Variants in MSI1 observed in about 807,000 individuals in gnomAD.
MSI1 encodes musashi RNA binding protein 1, also known as RNA-binding protein Musashi homolog 1.
A neutral mutation model predicts 54.4 loss-of-function variants in MSI1; 15 were observed. The observed-to-expected ratio is 0.28, with a 90% CI of 0.18 to 0.42. The LOEUF is 0.42. Among genes scored for constraint, MSI1 ranks in the 20% least tolerant of loss-of-function variants. The pLI is 1.00. For missense variants in MSI1, 304 were observed against 506.0 expected (o/e 0.60, Z 3.83); for synonymous variants, 200 against 196.5 (o/e 1.02, Z -0.15).
intron 12 of MSI1, among the ~76,000 whole-genome samples, chr12:120,347,138 C>G (rs764796328): frequency 6.6e-6 from 1 of 152,100 alleles, no homozygotes; most frequent in African/African-American, 2.4e-5. Context: ...TTAGTAGAGA[C>G]GGGGTCTCAC....
chr12:120,351,209 T>G (rs1874567297), intron 11 of MSI1, 135 bp downstream of exon 11: 3 of 873,542 alleles, frequency 3.4e-6, no homozygotes, highest in East Asian at 5.3e-5. Context: ...CCAGGCACAG[T>G]CTGCTGTGTC....
At chr12:120,350,306 C>T (rs1565885572) in intron 11 of MSI1, among the ~76,000 whole-genome samples, 2 of 152,166 alleles carry the variant, frequency 1.3e-5, no homozygotes, top group Non-Finnish European at 2.9e-5. Flanking sequence ...GGATTATAGG[C>T]GTGAACCACC....
intron 7 of MSI1, 67 bp downstream of exon 7, chr12:120,358,938 C>G: frequency 6.6e-7 from 1 of 1,524,950 alleles, no homozygotes. Context: ...GAAAGGGCAG[C>G]TGTGACCTGC....
chr12:120,351,234 G>T, intron 11 of MSI1, 110 bp downstream of exon 11: 3 of 1,054,042 alleles, frequency 2.8e-6, no homozygotes, highest in Non-Finnish European at 4.3e-6. Context: ...CAGCCGGAGG[G>T]CTGGCGGGCA....
intron 4 of MSI1, among the ~76,000 whole-genome samples, chr12:120,366,741 G>A (rs1000216424): frequency 6.6e-6 from 1 of 151,920 alleles, no homozygotes; most frequent in Middle Eastern, 3.2e-3. Context: ...CACAGACAAA[G>A]CCCTGGCCCT....
Position 120,368,758 on chromosome 12 carries a change from G to A in MSI1, c.100+75C>T, listed in dbSNP as rs1592953549. ...GGTCAGCAGGGCGCAGGGCCGGGCTGGGGTGTCCGGGTCCGGGGCGCCGGG... is the reference window on the plus strand; with the variant it reads ...GGTCAGCAGGGCGCAGGGCCGGGCTAGGGTGTCCGGGTCCGGGGCGCCGGG... On this transcript the variant is annotated intron_variant, in intron 2 of 14. Coordinates refer to ENST00000257552, the MANE Select transcript of MSI1 (RefSeq NM_002442.4). This position sits in a 1 kb window ranked among gnomAD's most constrained non-coding sequence, Gnocchi z 6.6. 1 of 1,286,100 alleles carries A rather than the reference G, an allele frequency of 7.8e-7. No individual in the cohort carries two copies. Among genetic ancestry groups the A allele is most frequent in the Non-Finnish European group, 1.0e-6 (1 of 994,288 alleles). 79.7% of individuals were successfully genotyped at this position (1,286,100 alleles called of 1,614,324 possible).
At chr12:120,355,424 GA>G (rs1490143528) in intron 9 of MSI1, among the ~76,000 whole-genome samples, 64 of 148,632 alleles carry the variant, frequency 4.3e-4, no homozygotes, top group South Asian at 8.5e-4. Flanking sequence ...AAAAAAGAAA[GA>G]AAAAAATATT....
intron 11 of MSI1, among the ~76,000 whole-genome samples, chr12:120,350,133 C>CA (rs1330706788): frequency 6.6e-6 from 1 of 152,014 alleles, no homozygotes; most frequent in African/African-American, 2.4e-5. Flanking sequence ...ACGATCCTCC[C>CA]ACCTCAGCCT....
At chr12:120,359,502 G>A (rs1040991341) in intron 6 of MSI1, among the ~76,000 whole-genome samples, 2 of 152,182 alleles carry the variant, frequency 1.3e-5, no homozygotes, top group Non-Finnish European at 2.9e-5. Flanking sequence ...AACCAGACTG[G>A]ACTCCCCTCT....
Position 120,368,209 on chromosome 12 carries a change from G to T in MSI1, c.165C>A (p.Pro55=). ...EVKECLVMRD[P]LTKRSRGFGF... ...GGGCTCACCTGGATCTCTTGGTCAG[G>T]GGGTCCCGCATCACCAGACACTCCT... The change falls in exon 3 of 15, where the codon CCC becomes CCA. Residue 55 remains proline, a synonymous_variant. Coordinates refer to ENST00000257552, the MANE Select transcript of MSI1 (RefSeq NM_002442.4). The surrounding 1 kb of genome is among the most constrained non-coding windows in gnomAD (Gnocchi z 6.6). The T allele has an allele frequency of 6.3e-7, 1 of 1,587,172 alleles. No homozygotes were observed. The highest frequency in any genetic ancestry group is 8.6e-7 in the Non-Finnish European group (1 of 1,166,158).
At chr12:120,356,853 T>TGGGAGCAGTTCTG in intron 9 of MSI1, 49 bp downstream of exon 9, 1 of 1,550,734 alleles carries the variant, frequency 6.4e-7, no homozygotes, top group Non-Finnish European at 8.9e-7. Context: ...CTGCTAGTCC[T>TGGGAGCAGTTCTG]GGGAGCAGTT....
downstream of MSI1, chr12:120,341,314 C>T (rs1288420393): frequency 1.3e-5 from 2 of 152,552 alleles, no homozygotes; most frequent in Non-Finnish European, 1.5e-5. Flanking sequence ...AGACACAAGA[C>T]ATTCACAAGC....
At chr12:120,359,551 T>C (rs569399438) in intron 6 of MSI1, among the ~76,000 whole-genome samples, 70 of 152,324 alleles carry the variant, frequency 4.6e-4, no homozygotes, top group African/African-American at 1.5e-3. Flanking sequence ...GGTTTCCTTT[T>C]GCTAGAGGCT....
At chr12:120,343,598 C>T (rs979060593) in intron 14 of MSI1, among the ~76,000 whole-genome samples, 45 of 152,146 alleles carry the variant, frequency 3.0e-4, no homozygotes, top group African/African-American at 1.0e-3. Flanking sequence ...ATTTAAATGT[C>T]CCCTTCTCAG....
intron 7 of MSI1, 72 bp downstream of exon 7, chr12:120,358,933 G>A: frequency 6.7e-7 from 1 of 1,502,664 alleles, no homozygotes; most frequent in Non-Finnish European, 9.1e-7. Flanking sequence ...GAGATGAAAG[G>A]GCAGCTGTGA....
At chr12:120,350,004 C>G (rs1426476455) in intron 11 of MSI1, among the ~76,000 whole-genome samples, 2 of 152,180 alleles carry the variant, frequency 1.3e-5, no homozygotes, top group Non-Finnish European at 2.9e-5. Flanking sequence ...CGCTCTGTCC[C>G]CAGGGTCTGG....
chr12:120,363,517 C>T (rs1234379022), intron 5 of MSI1, among the ~76,000 whole-genome samples: 1 of 151,922 alleles, frequency 6.6e-6, no homozygotes, highest in Non-Finnish European at 1.5e-5. Flanking sequence ...TCCCTGAACT[C>T]AGTGCCGACA....
At chr12:120,356,296 G>A (rs1326040075) in intron 9 of MSI1, among the ~76,000 whole-genome samples, 1 of 151,960 alleles carries the variant, frequency 6.6e-6, no homozygotes, top group Non-Finnish European at 1.5e-5. Context: ...AAAGGCCTTT[G>A]GCCTTTGCAA....
rs761468275 is a variant in MSI1 at position 120,347,440 on chromosome 12, G to A, written c.859+6C>T. ...ATCTCTCTTCCTGCACCTCAGAAGA[G>A]CTCACCTGTCCCTCGAACCACAGCC... On this transcript the variant is annotated splice_donor_region_variant and intron_variant, in intron 12 of 14. Transcript: ENST00000257552. The A allele has an allele frequency of 1.9e-6, 3 of 1,614,046 alleles. No individual in the cohort carries two copies. The highest frequency in any genetic ancestry group is 4.5e-5 in the East Asian group (2 of 44,886).
Sources: gnomAD v4.1 joint callset for allele counts (sites outside exome capture counted in the v4.1 genomes callset) on GRCh38, gnomAD v4.1.1 for gene constraint, Gnocchi (gnomAD v3.1) non-coding constraint, MANE v1.5 for transcripts, NCBI Gene and HGNC (gene_info 2026-07-23, HGNC 2026-07-21) for gene names.